Variants in DAZL observed in about 807,000 individuals in gnomAD.
The protein encoded by DAZL is deleted in azoospermia like, also known as deleted in azoospermia-like.
Under a neutral mutation model 45.0 loss-of-function variants are expected in DAZL, and 4 were observed. The ratio of observed to expected loss-of-function variants is 0.09; its 90% CI spans 0.04 to 0.20. DAZL has a LOEUF of 0.20. Among genes scored for constraint, DAZL ranks in the 10% least tolerant of loss-of-function variants. The probability of loss-of-function intolerance (pLI) is 1.00; values close to 1 mark genes in which losing one functional copy is unlikely to be tolerated. For missense variants in DAZL, 326 were observed against 351.3 expected, an observed-to-expected ratio of 0.93 and a Z score of 0.58; for synonymous variants, 122 against 112.4, an observed-to-expected ratio of 1.09 and a Z score of -0.54.
In DAZL at chr3:16,595,385, C is replaced by A; in HGVS notation, c.499G>T (p.Ala167Ser). 6.4e-7 allele frequency: 1 copy of A among 1,555,840 alleles called. No homozygotes were observed. The highest frequency in any genetic ancestry group is 8.8e-7 in the Non-Finnish European group (1 of 1,137,508). ...GGTGAATTTGGGTAAGTAGGATATG[C>A]CTGAAAATCAAGTTTACAGAAAGAA... is the stretch of plus-strand genomic sequence containing the variant. Reference protein sequence around the residue: ...TMNPITQYVQAYPTYPNSPVQ... With the variant: ...TMNPITQYVQSYPTYPNSPVQ... Residue 167 changes from alanine (A) to serine (S), a missense_variant and splice_region_variant, in exon 7 of 11, where the codon GCA becomes TCA. Transcript: ENST00000399444.
rs779677904 is a variant in DAZL at position 16,588,704 on chromosome 3, C to T, written c.844G>A (p.Val282Met). ...TQDDYFKDKRVHHFRRSRAML... is the reference protein window; with the variant it reads ...TQDDYFKDKRMHHFRRSRAML... ...GCCCGACTTCTTCTAAAGTGATGCA[C>T]TCTTTTATCCTGGAAAAGACAGAAA... Residue 282 changes from valine (V) to methionine (M), a missense_variant, in exon 11 of 11, where the codon GTG becomes ATG. Val to Met is a conservative substitution (Grantham distance 21). This residue lies in a region of DAZL where 227 missense variants were observed against 216.6 expected (regional missense o/e 1.05). Transcript: ENST00000399444. The T allele has an allele frequency of 9.3e-6, 15 of 1,611,174 alleles. No individual in the cohort carries two copies. The highest frequency in any genetic ancestry group is 5.0e-5 in the Admixed American group (3 of 59,936).
rs373749089 is a variant in DAZL at position 16,605,264 on chromosome 3, G to A, written c.-59C>T. The A allele has an allele frequency of 5.0e-5, 81 of 1,609,890 alleles. 1 individual carries two copies. The East Asian group carries it at 8.5e-4, about 17-fold the overall frequency. ...AGGAGGAGCAGAGGCTGTGCTTGGCGCACCACTTCTGGGGCTGCTGTGAGG... is the reference window on the plus strand; with the variant it reads ...AGGAGGAGCAGAGGCTGTGCTTGGCACACCACTTCTGGGGCTGCTGTGAGG... On this transcript the variant is annotated 5_prime_UTR_variant, in exon 1 of 11. Transcript: ENST00000399444.
Position 16,605,344 on chromosome 3 carries a change from GA to G in DAZL, c.-140del. The G allele has an allele frequency of 9.3e-7, 1 of 1,079,528 alleles. No homozygotes were observed. Among genetic ancestry groups the G allele is most frequent in the Non-Finnish European group, 1.4e-6 (1 of 697,366 alleles). 66.9% of individuals were successfully genotyped at this position (1,079,528 alleles called of 1,614,324 possible). The stretch of plus-strand genomic sequence containing the variant: ...TGGTCAAAGGAGCCAAAGATGAAGA[GA>G]AAAGGAAAACCAAGAGCGGGTGACA... On this transcript the variant is annotated 5_prime_UTR_variant, in exon 1 of 11. Transcript: ENST00000399444.
In DAZL at chr3:16,586,866, A is replaced by C. The variant is rs1575414026; in HGVS notation, c.*1794T>G. The C allele has an allele frequency of 6.6e-6, 1 of 152,286 alleles. No individual in the cohort carries two copies. Among genetic ancestry groups the C allele is most frequent in the East Asian group, 1.9e-4 (1 of 5,194 alleles). The allele number at this position is 152,286 out of a possible 1,614,324, so 9.4% of individuals were successfully genotyped here. ...AGCAATAGGCAGAAGCATATTTCTA[A>C]GTTTAGAATTAATTTTCCATTTTGA... On this transcript the variant is annotated 3_prime_UTR_variant, in exon 11 of 11. Transcript: ENST00000399444.
chr3:16,604,821 A>G (rs1165689437), intron 1 of DAZL: 5 of 796,054 alleles, frequency 6.3e-6, no homozygotes, highest in Non-Finnish European at 7.3e-6. Flanking sequence ...TGAGTGGGGG[A>G]GCGCGTGGGA....
chr3:16,590,319 A>G (rs1182024317), intron 10 of DAZL, among the ~76,000 whole-genome samples: 1 of 126,186 alleles, frequency 7.9e-6, no homozygotes, highest in Non-Finnish European at 1.9e-5. Context: ...CTACTCTTCT[A>G]CATTATACAG....
At chr3:16,597,667 T>C (rs748220809) in intron 3 of DAZL, 126 bp from the exon 4 acceptor site, 1 of 695,342 alleles carries the variant, frequency 1.4e-6, no homozygotes, top group Non-Finnish European at 2.7e-6. Context: ...ATTTAAGATG[T>C]ACATGATAGA....
chr3:16,590,265 T>C (rs1694497368), intron 10 of DAZL, among the ~76,000 whole-genome samples: 1 of 152,110 alleles, frequency 6.6e-6, no homozygotes, highest in Non-Finnish European at 1.5e-5. Context: ...GTATGTTTAC[T>C]CCCTGTTGCG....
rs986193615 is a variant in DAZL, at chr3:16,588,431, C to T, written c.*229G>A. The T allele has an allele frequency of 2.7e-6, 1 of 368,204 alleles. No homozygotes were observed. Among genetic ancestry groups the T allele is most frequent in the Non-Finnish European group, 5.1e-6 (1 of 195,934 alleles). The allele number at this position is 368,204 out of a possible 1,614,324, so 22.8% of individuals were successfully genotyped here. On this transcript the variant is annotated 3_prime_UTR_variant, in exon 11 of 11. Transcript: ENST00000399444. ...CTTGCAGATAAATCTTAGTTTCTTTCAGTCTCAATTATTTTTTTACTTTCA... is the reference window on the plus strand; with the variant it reads ...CTTGCAGATAAATCTTAGTTTCTTTTAGTCTCAATTATTTTTTTACTTTCA...
Position 16,588,419 on chromosome 3 carries a change from C to A in DAZL, c.*241G>T. On this transcript the variant is annotated 3_prime_UTR_variant, in exon 11 of 11. Coordinates refer to ENST00000399444, the MANE Select transcript of DAZL (RefSeq NM_001351.4). The stretch of plus-strand genomic sequence containing the variant: ...TTTTAAAAAATCCTTGCAGATAAAT[C>A]TTAGTTTCTTTCAGTCTCAATTATT... 2.9e-6 allele frequency: 1 copy of A among 346,366 alleles called. No individual in the cohort carries two copies. Among genetic ancestry groups the A allele is most frequent in the Non-Finnish European group, 5.4e-6 (1 of 183,614 alleles). 21.5% of individuals were successfully genotyped at this position (346,366 alleles called of 1,614,324 possible).
intron 2 of DAZL, 33 bp downstream of exon 2, chr3:16,598,419 T>C (rs1694633377): frequency 6.2e-7 from 1 of 1,601,734 alleles, no homozygotes; most frequent in South Asian, 1.1e-5. Flanking sequence ...TCATAATGCA[T>C]TTCAAGGTAA....
chr3:16,604,377 G>A lies in DAZL; in HGVS notation c.3+826C>T, dbSNP rs984106706. On this transcript the variant is annotated intron_variant, in intron 1 of 10. Coordinates refer to ENST00000399444, the MANE Select transcript of DAZL (RefSeq NM_001351.4). ...TCAAAGGATCCTGGTTTATCGAGAG[G>A]GAAAAAACCGTACCCAGAATTTAAA... 1.3e-5 allele frequency: 18 copies of A among 1,382,748 alleles called. 1 individual carries two copies. The East Asian group carries it at 1.5e-4, about 12-fold the overall frequency. 85.7% of individuals were successfully genotyped at this position (1,382,748 alleles called of 1,614,324 possible).
At chr3:16,596,062 A>G (rs1257624663) in intron 6 of DAZL, among the ~76,000 whole-genome samples, 3 of 151,980 alleles carry the variant, frequency 2.0e-5, no homozygotes, top group Non-Finnish European at 4.4e-5. Flanking sequence ...CACCCTACAC[A>G]TTTCAAGTAC....
chr3:16,604,451 A>G, intron 1 of DAZL: 1 of 1,533,146 alleles, frequency 6.5e-7, no homozygotes, highest in Non-Finnish European at 8.7e-7. Flanking sequence ...TCGTGCGGCA[A>G]AGATGGCGTC....
At chr3:16,602,702 C>T (rs4685358) in intron 1 of DAZL, among the ~76,000 whole-genome samples, 27,219 of 152,030 alleles carry the variant, frequency 0.18, 3,035 homozygotes, top group East Asian at 0.46. Flanking sequence ...TAACTCACCA[C>T]TGAAAAAGCA....
intron 9 of DAZL, among the ~76,000 whole-genome samples, chr3:16,592,944 G>C (rs1333330385): frequency 6.6e-6 from 1 of 152,090 alleles, no homozygotes; most frequent in Non-Finnish European, 1.5e-5. Context: ...ATGGAAATTT[G>C]CTCTAATGAT....
intron 8 of DAZL, 59 bp from the exon 9 acceptor site, chr3:16,593,827 CTTA>C: frequency 1.8e-6 from 2 of 1,105,576 alleles, no homozygotes; most frequent in Admixed American, 2.0e-5. Flanking sequence ...TTAAAAGCCA[CTTA>C]TTCTTCAAAA....
At chr3:16,598,275 A>G (rs1694631190) in intron 2 of DAZL, 97 bp from the exon 3 acceptor site, 1 of 1,413,256 alleles carries the variant, frequency 7.1e-7, no homozygotes. Flanking sequence ...TTTCTCCCCC[A>G]TTTATCCCCA....
intron 1 of DAZL, among the ~76,000 whole-genome samples, chr3:16,603,663 A>C (rs1473078875): frequency 1.3e-5 from 2 of 152,300 alleles, no homozygotes; most frequent in African/African-American, 4.8e-5. Context: ...GTATTGTTTT[A>C]ATATTGAAAA....
Sources: allele counts gnomAD v4.1 joint callset (sites outside exome capture counted in the v4.1 genomes callset), GRCh38; gene constraint gnomAD v4.1.1; regional missense constraint gnomAD v4.1.1; transcripts MANE v1.5; gene names NCBI Gene and HGNC (gene_info 2026-07-23, HGNC 2026-07-21).